MYBL2: variants seen among roughly 807,000 people sequenced by gnomAD.
MYBL2 encodes myb-related protein B.
MYBL2 carries 28 observed loss-of-function variants against 79.9 expected under a neutral mutation model. The ratio of observed to expected loss-of-function variants is 0.35; its 90% CI spans 0.26 to 0.48. MYBL2 has a LOEUF of 0.48. MYBL2 is among the 20% of genes least tolerant of loss of function. MYBL2 has a pLI of 0.99. For synonymous variants in MYBL2, 378 were observed against 361.2 expected, an observed-to-expected ratio of 1.05 and a Z score of -0.53; for missense variants, 735 against 893.9, an observed-to-expected ratio of 0.82 and a Z score of 2.27.
In MYBL2 at chr20:43,705,339, C is replaced by T. The variant is rs1396164187; in HGVS notation, c.1486C>T (p.Leu496=). ...TTPLHRDKTP[L]HQKHAAFVTP... ...ACCACTGCACCGGGACAAGACACCC[C>T]TGCACCAGAAACATGCTGCGTGAGT... The change falls in exon 9 of 14, where the codon CTG becomes TTG. Residue 496 remains leucine (L), a synonymous_variant. Coordinates refer to ENST00000217026, the MANE Select transcript of MYBL2 (RefSeq NM_002466.4). 2.5e-6 allele frequency: 4 copies of T among 1,612,584 alleles called. No homozygotes were observed. Among genetic ancestry groups the T allele is most frequent in the Admixed American group, 1.7e-5 (1 of 59,740 alleles).
chr20:43,703,647 T>C (rs1373136909), intron 8 of MYBL2, among the ~76,000 whole-genome samples: 2 of 152,128 alleles, frequency 1.3e-5, no homozygotes, highest in Non-Finnish European at 2.9e-5. Flanking sequence ...AGGTATAACT[T>C]AGGGCTTTGG....
At chr20:43,681,970 A>G (rs1987154949) in intron 3 of MYBL2, 115 bp downstream of exon 3, 2 of 1,068,162 alleles carry the variant, frequency 1.9e-6, no homozygotes, top group Non-Finnish European at 1.4e-6. Context: ...AGCCCCTGAA[A>G]ACAAAACCAA....
chr20:43,716,234 A>G lies in MYBL2; in HGVS notation c.*147A>G. 8.3e-7 allele frequency: 1 copy of G among 1,205,854 alleles called. No individual in the cohort carries two copies. The allele number at this position is 1,205,854 out of a possible 1,614,324, so 74.7% of individuals were successfully genotyped here. A position where few individuals can be genotyped will look rare whatever the true frequency, so the allele number is the denominator to read the frequency against. On this transcript the variant is annotated 3_prime_UTR_variant, in exon 14 of 14. Coordinates refer to ENST00000217026, the MANE Select transcript of MYBL2 (RefSeq NM_002466.4). ...CCCCAGACTCTCAGGTGGAGGCAAC[A>G]GGGCCATGTGCTGCCCTGTTGCCGA...
Position 43,716,125 on chromosome 20 carries a change from A to G in MYBL2, c.*38A>G. 6.3e-7 allele frequency: 1 copy of G among 1,598,648 alleles called. No individual in the cohort carries two copies. Among genetic ancestry groups the G allele is most frequent in the Non-Finnish European group, 8.5e-7 (1 of 1,178,602 alleles). On this transcript the variant is annotated 3_prime_UTR_variant, in exon 14 of 14. Coordinates refer to ENST00000217026, the MANE Select transcript of MYBL2 (RefSeq NM_002466.4). ...GTCACGAGCCCATTCTCATGTTTAC[A>G]GGGGTTGTGGGGGCAGAGGGGGTCT...
Position 43,688,934 on chromosome 20 carries a change from C to T in MYBL2, c.500+1862C>T, listed in dbSNP as rs761703626. Among the ~76,000 whole-genome samples, 10 of 152,194 alleles carry T rather than the reference C, an allele frequency of 6.6e-5. No individual in the cohort carries two copies. In the East Asian group the frequency reaches 1.2e-3, roughly 18 times the overall value. ...CCTCCTGAGTAGCTGGGATTATAGG[C>T]GCCCGCCACCACACCTGACTAATTT... On this transcript the variant is annotated intron_variant, in intron 5 of 13. Transcript: ENST00000217026.
chr20:43,708,428 T>C (rs1484044907), intron 9 of MYBL2, among the ~76,000 whole-genome samples: 1 of 152,100 alleles, frequency 6.6e-6, no homozygotes, highest in Non-Finnish European at 1.5e-5. Context: ...TGTGTGTATA[T>C]ACACTCTTTT....
At chr20:43,710,856 G>C (rs527820782) in intron 10 of MYBL2, among the ~76,000 whole-genome samples, 2 of 152,312 alleles carry the variant, frequency 1.3e-5, no homozygotes, top group South Asian at 4.1e-4. Flanking sequence ...TGGAGATTTG[G>C]CTCCTCTGTA....
rs554383813 is a variant in MYBL2, at chr20:43,711,577, C to T, written c.1695C>T (p.Pro565=). The T allele has an allele frequency of 6.2e-6, 10 of 1,612,952 alleles. No individual in the cohort carries two copies. The highest frequency in any genetic ancestry group is 3.3e-5 in the Admixed American group (2 of 59,904). ...IELIIEDDIR[P]EKQKRKPGLR... is the part of the protein sequence containing the mutation. ...TCATCATCGAGGACGACATCAGGCC[C>T]GAGAAGCAGAAGAGGAAGCCTGGGG... Residue 565 remains proline, a synonymous_variant, in exon 11 of 14, where the codon CCC becomes CCT. Transcript: ENST00000217026.
At position 43,699,817 on chromosome 20, in the gene MYBL2, G is replaced by A. The variant is rs1197611944; in HGVS notation, c.724G>A (p.Glu242Lys). ...TACCATAAAGGAGGAGGAAAACAGT[G>A]AGGAGGAACTTGCAGCAGCCACCAC... is the stretch of plus-strand genomic sequence containing the variant. ...PPTIKEEENS[E>K]EELAAATTSK... The change falls in exon 7 of 14, where the codon GAG becomes AAG. Residue 242 changes from glutamate to lysine, a missense_variant. Glu to Lys is a moderately conservative substitution (Grantham distance 56, BLOSUM62 1). Coordinates refer to ENST00000217026, the MANE Select transcript of MYBL2 (RefSeq NM_002466.4). The A allele has an allele frequency of 6.2e-7, 1 of 1,614,154 alleles. No homozygotes were observed. Among genetic ancestry groups the A allele is most frequent in the East Asian group, 2.2e-5 (1 of 44,884 alleles).
chr20:43,676,850 T>G (rs1331331403), intron 2 of MYBL2, among the ~76,000 whole-genome samples: 1 of 152,100 alleles, frequency 6.6e-6, no homozygotes, highest in Admixed American at 6.6e-5. Flanking sequence ...ATAGTTAACA[T>G]CATAGATGTC....
chr20:43,707,462 G>T (rs1483582322), intron 9 of MYBL2, among the ~76,000 whole-genome samples: 1 of 152,030 alleles, frequency 6.6e-6, no homozygotes, highest in Admixed American at 6.6e-5. Context: ...TTCCTCTTTA[G>T]ATCCATATTT....
chr20:43,705,935 C>T (rs1432334750), intron 9 of MYBL2, among the ~76,000 whole-genome samples: 4 of 148,956 alleles, frequency 2.7e-5, no homozygotes, highest in Admixed American at 6.7e-5. Context: ...CTCCTGACCT[C>T]GTGATCCTCC....
At chr20:43,681,433 C>T (rs933563445) in intron 2 of MYBL2, among the ~76,000 whole-genome samples, 1 of 152,208 alleles carries the variant, frequency 6.6e-6, no homozygotes, top group African/African-American at 2.4e-5. Flanking sequence ...CCAAAATCAT[C>T]TTGGATCTGT....
rs755874265 is a variant in MYBL2, at chr20:43,702,614, G to C, written c.1076G>C (p.Arg359Pro). 1.2e-6 allele frequency: 2 copies of C among 1,614,050 alleles called. No individual in the cohort carries two copies. The highest frequency in any genetic ancestry group is 4.5e-5 in the East Asian group (2 of 44,884). ...CATCAGCAGCAAGTCCTGCCACCCCGCCAGCCTTCCGCCCTGGTGCCCAGT... is the reference window on the plus strand; with the variant it reads ...CATCAGCAGCAAGTCCTGCCACCCCCCCAGCCTTCCGCCCTGGTGCCCAGT... ...ASHQQQVLPP[R>P]QPSALVPSVT... Residue 359 changes from arginine (R) to proline (P), a missense_variant, in exon 8 of 14, where the codon CGC (arginine) becomes CCC (proline). This residue lies in a region of MYBL2 where 243 missense variants were observed against 327.2 expected (regional missense o/e 0.74). Transcript: ENST00000217026.
Position 43,700,292 on chromosome 20 carries a change from G to A in MYBL2, c.951+248G>A, listed in dbSNP as rs6031042. Among the ~76,000 whole-genome samples the A allele has an allele frequency of 7.5e-3, 1,139 of 152,326 alleles. 14 individuals are homozygous for A. Among genetic ancestry groups the A allele is most frequent in the African/African-American group, 0.026 (1,064 of 41,574 alleles). On this transcript the variant is annotated intron_variant, in intron 7 of 13. Transcript: ENST00000217026. ...GCATCTGACCTCTATGTATGGCACAGGGCGGGGTGGGAAGGCTGCCCAGAG... is the reference window on the plus strand; with the variant it reads ...GCATCTGACCTCTATGTATGGCACAAGGCGGGGTGGGAAGGCTGCCCAGAG...
chr20:43,667,938 G>A (rs1986758817), intron 1 of MYBL2, among the ~76,000 whole-genome samples: 2 of 152,162 alleles, frequency 1.3e-5, no homozygotes, highest in African/African-American at 2.4e-5. Flanking sequence ...TTGGGCAGCT[G>A]GGGTTGAAGG....
At chr20:43,676,552 A>G (rs1368429065) in intron 2 of MYBL2, among the ~76,000 whole-genome samples, 1 of 152,228 alleles carries the variant, frequency 6.6e-6, no homozygotes, top group Non-Finnish European at 1.5e-5. Context: ...GGTATACCAC[A>G]CAGCGTTTCA....
Position 43,667,142 on chromosome 20 carries a change from G to T in MYBL2, c.-142G>T. 1 of 360,536 alleles carries T rather than the reference G, an allele frequency of 2.8e-6. No homozygotes were observed. Among genetic ancestry groups the T allele is most frequent in the East Asian group, 6.3e-5 (1 of 15,894 alleles). The allele number at this position is 360,536 out of a possible 1,614,324, so 22.3% of individuals were successfully genotyped here. ...TGCAGTTCCTGCGAGCGAGGAGCGC[G>T]GGACCTGCTGACACGCTGACGCCTT... On this transcript the variant is annotated 5_prime_UTR_variant, in exon 1 of 14. Coordinates refer to ENST00000217026, the MANE Select transcript of MYBL2 (RefSeq NM_002466.4).
intron 6 of MYBL2, among the ~76,000 whole-genome samples, chr20:43,696,709 T>C (rs1388091503): frequency 6.6e-6 from 1 of 152,412 alleles, no homozygotes; most frequent in African/African-American, 2.4e-5. Flanking sequence ...AGTTTCTTTG[T>C]ACATTTGCTG....
Sources: gnomAD v4.1 joint callset for allele counts (sites outside exome capture counted in the v4.1 genomes callset) on GRCh38, gnomAD v4.1.1 for gene constraint, gnomAD v4.1.1 regional missense constraint, MANE v1.5 for transcripts, NCBI Gene and HGNC (gene_info 2026-07-23, HGNC 2026-07-21) for gene names.